Variants in CCDC92 observed in about 807,000 individuals in gnomAD.
CCDC92 encodes the protein coiled-coil domain-containing protein 92.
A neutral mutation model predicts 24.9 loss-of-function variants in CCDC92; 12 were observed. That is an observed-to-expected ratio of 0.48 (90% CI 0.31 to 0.78). The LOEUF (loss-of-function observed/expected upper bound fraction) is 0.78, where lower values mean the gene tolerates loss of function less well. CCDC92 is among the 30% of genes least tolerant of loss of function. CCDC92 has a pLI of 0.05. For synonymous variants in CCDC92, 193 were observed against 196.3 expected (o/e 0.98, Z 0.14); for missense variants, 399 against 439.4 (o/e 0.91, Z 0.82).
intron 2 of CCDC92, chr12:123,943,964 TC>T (rs1004010116): frequency 6.1e-6 from 3 of 489,474 alleles, no homozygotes; most frequent in African/African-American, 6.0e-5. Context: ...CCAAAAGATT[TC>T]CCTGACCAGG....
At chr12:123,953,900 G>C (rs916392493) in intron 1 of CCDC92, among the ~76,000 whole-genome samples, 4 of 152,208 alleles carry the variant, frequency 2.6e-5, no homozygotes, top group African/African-American at 9.6e-5. Flanking sequence ...AGGTTGCAGT[G>C]AGCCGAGATC....
In CCDC92 at chr12:123,937,070, G is replaced by A. The variant is rs1001703987; in HGVS notation, c.984C>T (p.Asp328=). 6 of 1,613,760 alleles carry A rather than the reference G, an allele frequency of 3.7e-6. No individual in the cohort carries two copies. The highest frequency in any genetic ancestry group is 5.1e-6 in the Non-Finnish European group (6 of 1,179,980). ...GGCACGGCGGGCTTCACACAGTTCTGTCCGTCCCTGAGTGCTTCCTCACCA... is the reference window on the plus strand; with the variant it reads ...GGCACGGCGGGCTTCACACAGTTCTATCCGTCCCTGAGTGCTTCCTCACCA... The part of the protein sequence containing the change: ...GKVVRKHSGT[D]RTV The change falls in exon 5 of 5, where the codon GAC becomes GAT. Residue 328 remains aspartate (D), a synonymous_variant. Transcript: ENST00000238156. The surrounding 1 kb of genome is among the most constrained non-coding windows in gnomAD (Gnocchi z 8.4).
chr12:123,953,651 G>T (rs756323383), intron 1 of CCDC92, among the ~76,000 whole-genome samples: 4 of 152,188 alleles, frequency 2.6e-5, no homozygotes, highest in Non-Finnish European at 2.9e-5. Flanking sequence ...GGTGGCACAC[G>T]CCTGCGGTCC....
At position 123,951,625 on chromosome 12, in the gene CCDC92, T is replaced by C. The variant is rs963899442; in HGVS notation, c.-59-7261A>G. Among the ~76,000 whole-genome samples the C allele has an allele frequency of 3.9e-5, 6 of 152,358 alleles. No homozygotes were observed. The East Asian group carries it at 1.2e-3, about 29-fold the overall frequency. ...GCCCTGCTGCCCTCTCTGTGCACTT[T>C]TGAAAGGCCCTGACCTGGCAGCACT... On this transcript the variant is annotated intron_variant, in intron 1 of 4. Transcript: ENST00000238156.
intron 1 of CCDC92, among the ~76,000 whole-genome samples, chr12:123,969,548 A>C (rs1184142267): frequency 2.9e-5 from 4 of 136,458 alleles, no homozygotes; most frequent in Non-Finnish European, 6.0e-5. Context: ...GGCTCACTGC[A>C]ACCTCTGCCT....
rs534835014 is a variant in CCDC92 at position 123,939,735 on chromosome 12, T to C, written c.224-1905A>G. ...GTTTCTTCTTTTGCCAAAAGGAAAA[T>C]AGATCCTAAAACACAGTTTCAGAGG... On this transcript the variant is annotated intron_variant, in intron 4 of 4. Coordinates refer to ENST00000238156, the MANE Select transcript of CCDC92 (RefSeq NM_025140.3). 1.5e-3 allele frequency among the ~76,000 whole-genome samples: 224 copies of C among 152,118 alleles called. 8 individuals carry two copies. In the South Asian group the frequency reaches 0.045, roughly 31 times the overall value.
intron 4 of CCDC92, among the ~76,000 whole-genome samples, chr12:123,942,284 TA>T (rs1325327944): frequency 6.6e-6 from 1 of 152,192 alleles, no homozygotes; most frequent in African/African-American, 2.4e-5. Flanking sequence ...GGGAGCTGTC[TA>T]GTAATGTGAC....
chr12:123,949,409 T>G (rs1318620549), intron 1 of CCDC92, among the ~76,000 whole-genome samples: 1 of 152,224 alleles, frequency 6.6e-6, no homozygotes, highest in Non-Finnish European at 1.5e-5. Context: ...AGGACATTGG[T>G]CTTCTTCCCT....
intron 4 of CCDC92, among the ~76,000 whole-genome samples, chr12:123,938,279 A>G (rs1474698605): frequency 6.6e-6 from 1 of 152,214 alleles, no homozygotes; most frequent in Non-Finnish European, 1.5e-5. Flanking sequence ...TTAGAGGAGA[A>G]GAGGTGTGGG....
At chr12:123,945,891 A>C (rs1261212803) in intron 1 of CCDC92, 3 of 80,020 alleles carry the variant, frequency 3.7e-5, no homozygotes, top group Admixed American at 3.0e-4. Context: ...TGGGTCTTGG[A>C]TGACAGGAGA....
At chr12:123,962,316 T>C (rs1956289749) in intron 1 of CCDC92, among the ~76,000 whole-genome samples, 1 of 152,256 alleles carries the variant, frequency 6.6e-6, no homozygotes, top group African/African-American at 2.4e-5. Context: ...TGTGTTTTTA[T>C]TACCAAACAA....
At chr12:123,965,779 A>G (rs1022488940) in intron 1 of CCDC92, among the ~76,000 whole-genome samples, 1 of 152,224 alleles carries the variant, frequency 6.6e-6, no homozygotes, top group African/African-American at 2.4e-5. Context: ...GTACACACCA[A>G]CAAGAAGGGA....
chr12:123,958,108 C>T (rs1214654194), intron 1 of CCDC92, among the ~76,000 whole-genome samples: 2 of 152,126 alleles, frequency 1.3e-5, no homozygotes, highest in Non-Finnish European at 2.9e-5. Flanking sequence ...GGCTGGAGTG[C>T]AACGGCGTGA....
chr12:123,969,973 G>C (rs555255355), intron 1 of CCDC92: 4 of 152,122 alleles, frequency 2.6e-5, no homozygotes, highest in Admixed American at 6.5e-5. Context: ...TAATTAAAAA[G>C]AGTCTTTTAA....
At chr12:123,954,625 C>G (rs1956107525) in intron 1 of CCDC92, among the ~76,000 whole-genome samples, 1 of 152,206 alleles carries the variant, frequency 6.6e-6, no homozygotes, top group East Asian at 1.9e-4. Flanking sequence ...TGTCACGGGT[C>G]TGTACACTGA....
intron 1 of CCDC92, chr12:123,968,065 G>GC (rs1555269197): frequency 6.6e-6 from 1 of 152,136 alleles, no homozygotes; most frequent in Non-Finnish European, 1.5e-5. Context: ...TTCTTCTGTC[G>GC]TTTTTTTCCC....
Position 123,936,053 on chromosome 12 carries a change from G to T in CCDC92, c.*1005C>A, listed in dbSNP as rs1955479685. 6.5e-6 allele frequency: 1 copy of T among 152,862 alleles called. No homozygotes were observed. Among genetic ancestry groups the T allele is most frequent in the East Asian group, 1.9e-4 (1 of 5,212 alleles). The allele number at this position is 152,862 out of a possible 1,614,324, so 9.5% of individuals were successfully genotyped here. A position where few individuals can be genotyped will look rare whatever the true frequency, so the allele number is the denominator to read the frequency against. ...TGAGCTTCTACCCCCAGCCTGCCTG[G>T]GTCTGTGTGGGGTCAGGTAAGGACA... On this transcript the variant is annotated 3_prime_UTR_variant, in exon 5 of 5. Coordinates refer to ENST00000238156, the MANE Select transcript of CCDC92 (RefSeq NM_025140.3).
Position 123,972,828 on chromosome 12 carries a change from G to A in CCDC92, c.-359C>T, listed in dbSNP as rs1419608972. On this transcript the variant is annotated 5_prime_UTR_variant, in exon 1 of 5. Coordinates refer to ENST00000238156, the MANE Select transcript of CCDC92 (RefSeq NM_025140.3). ...GGCGCCGGCGCGGCGGCGGGCCTGTGTCTGCCGGGCTGGGCGGGGGCGGCG... is the reference window on the plus strand; with the variant it reads ...GGCGCCGGCGCGGCGGCGGGCCTGTATCTGCCGGGCTGGGCGGGGGCGGCG... 2.0e-5 allele frequency: 3 copies of A among 147,288 alleles called. No individual in the cohort carries two copies. Among genetic ancestry groups the A allele is most frequent in the African/African-American group, 7.3e-5 (3 of 40,916 alleles). 9.1% of individuals were successfully genotyped at this position (147,288 alleles called of 1,614,324 possible). A position where few individuals can be genotyped will look rare whatever the true frequency, so the allele number is the denominator to read the frequency against.
chr12:123,961,809 C>T (rs986642022), intron 1 of CCDC92, among the ~76,000 whole-genome samples: 3 of 152,164 alleles, frequency 2.0e-5, no homozygotes, highest in Admixed American at 6.5e-5. Context: ...TATTCTTATC[C>T]TCAGTTCACA....
Sources: allele counts gnomAD v4.1 joint callset (sites outside exome capture counted in the v4.1 genomes callset), GRCh38; gene constraint gnomAD v4.1.1; non-coding constraint Gnocchi (gnomAD v3.1); transcripts MANE v1.5; gene names NCBI Gene and HGNC (gene_info 2026-07-23, HGNC 2026-07-21).